NAALADL2: variants seen among roughly 807,000 people sequenced by gnomAD.
NAALADL2 encodes the protein inactive N-acetylated-alpha-linked acidic dipeptidase-like protein 2.
In NAALADL2, 76 loss-of-function variants were observed where a neutral mutation model predicts 87.2. That is an observed-to-expected ratio of 0.87 (90% CI 0.72 to 1.05). The LOEUF (loss-of-function observed/expected upper bound fraction) is 1.05. Ranked by LOEUF, NAALADL2 falls within the 50% of genes least tolerant of loss-of-function variation. The pLI is 0.00. For missense variants in NAALADL2, 1,089 were observed against 945.8 expected, an observed-to-expected ratio of 1.15 and a Z score of -1.99; for synonymous variants, 354 against 331.0, an observed-to-expected ratio of 1.07 and a Z score of -0.75.
At chr3:174,501,449 C>T (rs1467397023) in intron 1 of NAALADL2, among the ~76,000 whole-genome samples, 1 of 152,172 alleles carries the variant, frequency 6.6e-6, no homozygotes, top group Non-Finnish European at 1.5e-5. Flanking sequence ...ATTCCTTCCT[C>T]TCAGTTTTCT....
chr3:174,530,769 A>G (rs983285935), intron 1 of NAALADL2, among the ~76,000 whole-genome samples: 13 of 152,150 alleles, frequency 8.5e-5, no homozygotes, highest in Non-Finnish European at 1.0e-4. Flanking sequence ...CCCTCCCACA[A>G]CACGTGGGAA....
chr3:175,362,412 G>A (rs889216801), intron 5 of NAALADL2, among the ~76,000 whole-genome samples: 1 of 147,970 alleles, frequency 6.8e-6, no homozygotes, highest in African/African-American at 2.5e-5. Flanking sequence ...GAAAGTCATT[G>A]GTAGCTTGGT....
chr3:175,122,472 A>G (rs1726302053), intron 2 of NAALADL2, among the ~76,000 whole-genome samples: 1 of 151,874 alleles, frequency 6.6e-6, no homozygotes, highest in African/African-American at 2.4e-5. Context: ...GACATTAAAT[A>G]TTGGAAGCCA....
intron 2 of NAALADL2, among the ~76,000 whole-genome samples, chr3:175,191,523 C>T (rs1465637292): frequency 1.3e-5 from 2 of 152,072 alleles, no homozygotes; most frequent in African/African-American, 4.8e-5. Context: ...AGGGATTTGT[C>T]TCCATGTGGT....
chr3:174,708,424 T>A (rs1345394121), intron 2 of NAALADL2, among the ~76,000 whole-genome samples: 1 of 152,216 alleles, frequency 6.6e-6, no homozygotes, highest in Non-Finnish European at 1.5e-5. Flanking sequence ...TAATGAGTGA[T>A]ATATCATTTA....
At chr3:174,447,068 G>A (rs962274729) in intron 1 of NAALADL2, among the ~76,000 whole-genome samples, 3 of 152,162 alleles carry the variant, frequency 2.0e-5, no homozygotes, top group African/African-American at 7.2e-5. Context: ...TTATATGTGT[G>A]TGAAAATACT....
intron 1 of NAALADL2, among the ~76,000 whole-genome samples, chr3:175,072,245 A>G (rs1474745353): frequency 6.6e-6 from 1 of 152,138 alleles, no homozygotes. Context: ...TTATCCTGCC[A>G]TAGGCAAGTG....
At chr3:175,783,790 A>C (rs1489899962) in intron 13 of NAALADL2, among the ~76,000 whole-genome samples, 1 of 150,224 alleles carries the variant, frequency 6.7e-6, no homozygotes, top group Non-Finnish European at 1.5e-5. Context: ...CAGTTTTCAA[A>C]GGGAATGCTT....
intron 3 of NAALADL2, among the ~76,000 whole-genome samples, chr3:174,831,319 C>T (rs374105199): frequency 4.4e-5 from 6 of 136,508 alleles, no homozygotes; most frequent in Non-Finnish European, 6.3e-5. Flanking sequence ...TAGCATGAAG[C>T]GTTGTTGAAT....
At chr3:174,672,482 G>A (rs1726651688) in intron 2 of NAALADL2, among the ~76,000 whole-genome samples, 1 of 151,860 alleles carries the variant, frequency 6.6e-6, no homozygotes, top group African/African-American at 2.4e-5. Flanking sequence ...TGACCTTCTG[G>A]ATCTTATGTT....
chr3:175,250,579 C>CA (rs763839831), intron 3 of NAALADL2, among the ~76,000 whole-genome samples: 138 of 152,244 alleles, frequency 9.1e-4, no homozygotes, highest in Admixed American at 1.1e-3. Context: ...GTGGTGCCCT[C>CA]AACAGTGTCT....
intron 1 of NAALADL2, among the ~76,000 whole-genome samples, chr3:174,528,095 AT>A (rs1257591464): frequency 6.6e-6 from 1 of 152,062 alleles, no homozygotes; most frequent in Non-Finnish European, 1.5e-5. Context: ...CTATTAATAT[AT>A]TTTATTATAA....
chr3:175,008,529 GC>G (rs1290777291), intron 1 of NAALADL2, among the ~76,000 whole-genome samples: 7 of 152,176 alleles, frequency 4.6e-5, no homozygotes, highest in Non-Finnish European at 8.8e-5. Flanking sequence ...ATTTCAAGAG[GC>G]CTGACCCCAG....
chr3:175,389,021 A>T (rs1768761736), intron 5 of NAALADL2, among the ~76,000 whole-genome samples: 1 of 152,114 alleles, frequency 6.6e-6, no homozygotes. Flanking sequence ...TCTGTTCATT[A>T]AGATAATCAT....
intron 2 of NAALADL2, among the ~76,000 whole-genome samples, chr3:174,576,134 A>T (rs1032258944): frequency 9.9e-5 from 15 of 152,242 alleles, no homozygotes; most frequent in African/African-American, 3.4e-4. Context: ...AAGTGCCGAG[A>T]TTACAGATGT....
At chr3:174,448,109 T>C (rs548954809) in intron 1 of NAALADL2, among the ~76,000 whole-genome samples, 79 of 152,320 alleles carry the variant, frequency 5.2e-4, no homozygotes, top group African/African-American at 1.7e-3. Flanking sequence ...GGTGCTCCAT[T>C]TCCCTCTTCT....
chr3:174,762,445 G>T (rs147664886), intron 3 of NAALADL2, among the ~76,000 whole-genome samples: 1 of 148,324 alleles, frequency 6.7e-6, no homozygotes. Flanking sequence ...GAGCCACCGC[G>T]CCCAGCAGCA....
chr3:175,197,019 G>C (rs1221500349), intron 2 of NAALADL2, among the ~76,000 whole-genome samples: 2 of 151,892 alleles, frequency 1.3e-5, no homozygotes, highest in South Asian at 2.1e-4. Flanking sequence ...AACATAAGGG[G>C]TCATTTTTTT....
Position 175,329,371 on chromosome 3 carries a change from T to C in NAALADL2, c.1090+5046T>C, listed in dbSNP as rs545601132. ...GTGGATCTCTGTGTTGTTTATCTAC[T>C]GTCTGTTGAACATCACTCCTGCCAA... On this transcript the variant is annotated intron_variant, in intron 5 of 13. Transcript: ENST00000454872. Among the ~76,000 whole-genome samples the C allele has an allele frequency of 2.6e-5, 4 of 152,344 alleles. No individual in the cohort carries two copies. The East Asian group carries it at 7.7e-4, about 29-fold the overall frequency.
Sources: gnomAD v4.1 joint callset for allele counts (sites outside exome capture counted in the v4.1 genomes callset) on GRCh38, gnomAD v4.1.1 for gene constraint, MANE v1.5 for transcripts, NCBI Gene and HGNC (gene_info 2026-07-23, HGNC 2026-07-21) for gene names.